Variants in COL22A1 observed in about 807,000 individuals in gnomAD.
COL22A1 encodes the protein collagen alpha-1(XXII) chain.
A neutral mutation model predicts 248.9 loss-of-function variants in COL22A1; 221 were observed. That is an observed-to-expected ratio of 0.89 (90% CI 0.80 to 0.99). The LOEUF is 0.99. Among genes scored for constraint, COL22A1 ranks in the 50% least tolerant of loss-of-function variants. COL22A1 has a pLI of 0.00. For synonymous variants in COL22A1, 891 were observed against 793.4 expected (o/e 1.12, Z -2.07); for missense variants, 2,240 against 2,179.0 (o/e 1.03, Z -0.56).
intron 41 of COL22A1, among the ~76,000 whole-genome samples, chr8:138,674,367 C>T (rs915945181): frequency 6.6e-6 from 1 of 151,938 alleles, no homozygotes; most frequent in African/African-American, 2.4e-5. Context: ...CTCCACACAC[C>T]TTTGCTTAGC....
At chr8:138,826,905 T>C (rs1586836990) in intron 5 of COL22A1, 124 bp from the exon 6 acceptor site, 2 of 1,211,726 alleles carry the variant, frequency 1.7e-6, no homozygotes, top group Non-Finnish European at 2.3e-6. Context: ...ATTTCCACCA[T>C]CCACCTTCTT....
At chr8:138,704,927 A>G (rs990962044) in intron 30 of COL22A1, among the ~76,000 whole-genome samples, 4 of 152,230 alleles carry the variant, frequency 2.6e-5, no homozygotes, top group African/African-American at 9.6e-5. Flanking sequence ...AGCATAGAGA[A>G]GACCTTAAAT....
chr8:138,893,062 G>A (rs1825174154), intron 1 of COL22A1, among the ~76,000 whole-genome samples: 1 of 152,212 alleles, frequency 6.6e-6, no homozygotes, highest in Non-Finnish European at 1.5e-5. Context: ...GCACTTGCTG[G>A]TCAGAGAGGG....
intron 3 of COL22A1, among the ~76,000 whole-genome samples, chr8:138,864,034 A>C (rs1822683461): frequency 6.6e-6 from 1 of 152,164 alleles, no homozygotes; most frequent in South Asian, 2.1e-4. Context: ...TCTTGGGCAC[A>C]GAAGAGCTTA....
At chr8:138,804,113 A>G (rs540513128) in intron 10 of COL22A1, among the ~76,000 whole-genome samples, 24 of 152,192 alleles carry the variant, frequency 1.6e-4, no homozygotes, top group African/African-American at 5.8e-4. Flanking sequence ...CCCCTGGCCT[A>G]TGAGTCCTGG....
intron 1 of COL22A1, among the ~76,000 whole-genome samples, chr8:138,891,703 GC>G (rs1263133232): frequency 6.6e-6 from 1 of 152,134 alleles, no homozygotes; most frequent in Non-Finnish European, 1.5e-5. Flanking sequence ...CAGCAACATT[GC>G]TTCTCCCAGG....
chr8:138,792,476 G>A (rs1816149501), intron 12 of COL22A1, among the ~76,000 whole-genome samples: 1 of 152,186 alleles, frequency 6.6e-6, no homozygotes, highest in South Asian at 2.1e-4. Context: ...TTTCATGGTA[G>A]CAACATGGCT....
intron 39 of COL22A1, among the ~76,000 whole-genome samples, chr8:138,683,902 G>T (rs1564189186): frequency 6.6e-6 from 1 of 152,078 alleles, no homozygotes; most frequent in Non-Finnish European, 1.5e-5. Context: ...TCATTTAATG[G>T]TAAGTATTTA....
chr8:138,597,084 A>G, intron 61 of COL22A1, 114 bp from the exon 62 acceptor site: 2 of 767,688 alleles, frequency 2.6e-6, no homozygotes, highest in East Asian at 2.5e-5. Context: ...CACACAGGGA[A>G]GCACATGTTC....
At chr8:138,691,804 ACGTGTGTGTGCATGTTTGTGGAGG>A (rs1826955841) in intron 35 of COL22A1, among the ~76,000 whole-genome samples, 5 of 49,130 alleles carry the variant, frequency 1.0e-4, no homozygotes, top group African/African-American at 3.3e-4. Flanking sequence ...GTGTGTGTGT[ACGTGTGTGTGCATGTTTGTGGAGG>A]TGTGTGTATG....
intron 11 of COL22A1, among the ~76,000 whole-genome samples, chr8:138,799,609 C>T (rs916615567): frequency 5.9e-5 from 9 of 152,086 alleles, no homozygotes; most frequent in South Asian, 2.1e-4. Context: ...CCCAGGATGA[C>T]GATGGTTTTA....
intron 56 of COL22A1, among the ~76,000 whole-genome samples, chr8:138,613,452 A>G (rs1350076444): frequency 6.6e-6 from 1 of 152,154 alleles, no homozygotes. Context: ...GTTGGTGTGC[A>G]TGTCAGGCTT....
intron 44 of COL22A1, among the ~76,000 whole-genome samples, chr8:138,656,242 C>T (rs1325753409): frequency 3.3e-5 from 5 of 152,192 alleles, no homozygotes; most frequent in Non-Finnish European, 7.3e-5. Flanking sequence ...CCCTCTTCCC[C>T]CCGACCACCA....
At chr8:138,833,530 C>T (rs1820210137) in intron 4 of COL22A1, among the ~76,000 whole-genome samples, 1 of 152,178 alleles carries the variant, frequency 6.6e-6, no homozygotes, top group African/African-American at 2.4e-5. Context: ...GGCGAACGGC[C>T]ACTCACGGCT....
intron 4 of COL22A1, among the ~76,000 whole-genome samples, chr8:138,838,100 C>T (rs767304818): frequency 1.3e-4 from 20 of 151,072 alleles, no homozygotes; most frequent in Non-Finnish European, 2.7e-4. Context: ...GCACCGCAGC[C>T]GGCCACACCT....
intron 3 of COL22A1, among the ~76,000 whole-genome samples, chr8:138,857,330 G>A (rs1202850542): frequency 6.6e-6 from 1 of 152,220 alleles, no homozygotes; most frequent in African/African-American, 2.4e-5. Flanking sequence ...AGATGGACAT[G>A]AGGATGGGTC....
At chr8:138,680,420 G>T (rs183147007) in intron 39 of COL22A1, among the ~76,000 whole-genome samples, 1 of 152,280 alleles carries the variant, frequency 6.6e-6, no homozygotes, top group Non-Finnish European at 1.5e-5. Context: ...TAGCTGAGCT[G>T]GGATTCTAAC....
chr8:138,818,214 A>C (rs1245868348), intron 7 of COL22A1, among the ~76,000 whole-genome samples: 2 of 152,132 alleles, frequency 1.3e-5, no homozygotes, highest in Admixed American at 1.3e-4. Flanking sequence ...CTCAGAGGGT[A>C]TCTGCTTCAG....
At chr8:138,698,545 G>A (rs1387147622) in intron 32 of COL22A1, among the ~76,000 whole-genome samples, 1 of 152,338 alleles carries the variant, frequency 6.6e-6, no homozygotes, top group African/African-American at 2.4e-5. Context: ...TGAGAAGACA[G>A]GGTGGCAGAA....
Sources: gnomAD v4.1 joint callset for allele counts (sites outside exome capture counted in the v4.1 genomes callset) on GRCh38, gnomAD v4.1.1 for gene constraint, MANE v1.5 for transcripts, NCBI Gene and HGNC (gene_info 2026-07-23, HGNC 2026-07-21) for gene names.